RHEB: variants seen among roughly 807,000 people sequenced by gnomAD.
RHEB encodes the protein GTP-binding protein Rheb.
Under a neutral mutation model 28.8 loss-of-function variants are expected in RHEB, and 2 were observed. The ratio of observed to expected loss-of-function variants is 0.07; its 90% CI spans 0.03 to 0.22. The LOEUF (loss-of-function observed/expected upper bound fraction) is 0.22. RHEB is among the 10% of genes least tolerant of loss of function. The pLI is 1.00. For missense variants in RHEB, 76 were observed against 219.9 expected (o/e 0.35, Z 4.14); for synonymous variants, 69 against 77.3 (o/e 0.89, Z 0.56).
intron 3 of RHEB, among the ~76,000 whole-genome samples, chr7:151,483,278 G>A (rs1034934814): frequency 2.0e-5 from 3 of 152,144 alleles, no homozygotes; most frequent in African/African-American, 7.2e-5. Flanking sequence ...CAAAGCAGAG[G>A]GAATTCATTC....
In RHEB at chr7:151,468,769, C is replaced by T. The variant is rs1802110432; in HGVS notation, c.463-1558G>A. ...CGTCTGTCCTCCTAGTTAACTGAAGCCAACCCCAGGTCCCACCCCGCTTGT... is the reference window on the plus strand; with the variant it reads ...CGTCTGTCCTCCTAGTTAACTGAAGTCAACCCCAGGTCCCACCCCGCTTGT... On this transcript the variant is annotated intron_variant, in intron 7 of 7. Coordinates refer to ENST00000262187, the MANE Select transcript of RHEB (RefSeq NM_005614.4). This position sits in a 1 kb window ranked among gnomAD's most constrained non-coding sequence, Gnocchi z 4.3. Among the ~76,000 whole-genome samples, 1 of 152,228 alleles carries T rather than the reference C, an allele frequency of 6.6e-6. No individual in the cohort carries two copies. Among genetic ancestry groups the T allele is most frequent in the South Asian group, 2.1e-4 (1 of 4,834 alleles).
intron 1 of RHEB, among the ~76,000 whole-genome samples, chr7:151,491,736 CAA>C (rs11324430): frequency 1.2e-3 from 166 of 141,502 alleles, no homozygotes; most frequent in Non-Finnish European, 1.0e-3. Context: ...GACCCTGTGT[CAA>C]AAAAAAAAAA....
At chr7:151,498,095 T>C in intron 1 of RHEB, 1 of 1,288,228 alleles carries the variant, frequency 7.8e-7, no homozygotes, top group Non-Finnish European at 1.0e-6. Flanking sequence ...TCACCTAAAT[T>C]AAATGTGCCC....
chr7:151,499,049 C>A (rs763992699), intron 1 of RHEB, among the ~76,000 whole-genome samples: 12 of 152,178 alleles, frequency 7.9e-5, no homozygotes, highest in Non-Finnish European at 1.3e-4. Context: ...TATATAAATT[C>A]TAATGGGGAG....
chr7:151,502,790 T>G (rs1292595062), intron 1 of RHEB: 1 of 1,427,536 alleles, frequency 7.0e-7, no homozygotes. Context: ...TAGCAGAGAC[T>G]GCTGTGCAGC....
intron 1 of RHEB, among the ~76,000 whole-genome samples, chr7:151,501,201 G>A (rs2150934125): frequency 6.6e-6 from 1 of 152,250 alleles, no homozygotes; most frequent in African/African-American, 2.4e-5. Context: ...GCCACAGACT[G>A]GGAGAAAATA....
chr7:151,491,772 A>G (rs1367393013), intron 1 of RHEB, among the ~76,000 whole-genome samples: 4 of 152,142 alleles, frequency 2.6e-5, no homozygotes, highest in Admixed American at 6.5e-5. Flanking sequence ...AATATGTAAC[A>G]TAAGTCTTTA....
chr7:151,502,441 C>T (rs762596132), intron 1 of RHEB: 7 of 820,190 alleles, frequency 8.5e-6, no homozygotes, highest in Non-Finnish European at 1.5e-5. Flanking sequence ...AACTTTATAA[C>T]AAAGTACCTC....
rs2150932673 is a variant in RHEB at position 151,497,838 on chromosome 7, T to C, written c.53-6824A>G. Among the ~76,000 whole-genome samples the C allele has an allele frequency of 2.6e-5, 4 of 152,354 alleles. No homozygotes were observed. The South Asian group carries it at 8.3e-4, about 32-fold the overall frequency. On this transcript the variant is annotated intron_variant, in intron 1 of 7. Coordinates refer to ENST00000262187, the MANE Select transcript of RHEB (RefSeq NM_005614.4). Reference sequence around the variant, plus strand: ...CCTCCTGGTCTCCTCTGAACCTTCCTCCTCCTGAATTAGTTATAAACACAT... The same window carrying C: ...CCTCCTGGTCTCCTCTGAACCTTCCCCCTCCTGAATTAGTTATAAACACAT...
chr7:151,480,310 G>A (rs1030225933), intron 3 of RHEB, among the ~76,000 whole-genome samples: 4 of 152,050 alleles, frequency 2.6e-5, no homozygotes, highest in African/African-American at 4.8e-5. Context: ...TGGATATTAC[G>A]CAGCCTTGGG....
At chr7:151,497,256 T>C (rs1802690431) in intron 1 of RHEB, among the ~76,000 whole-genome samples, 1 of 152,116 alleles carries the variant, frequency 6.6e-6, no homozygotes, top group African/African-American at 2.4e-5. Context: ...CCTCCAACAG[T>C]AGTAATTCTT....
rs181773349 is a variant in RHEB, at chr7:151,506,503, C to G, written c.52+12957G>C. On this transcript the variant is annotated intron_variant, in intron 1 of 7. Transcript: ENST00000262187. ...TGTGAGGATTAAATGAAAATGTATA[C>G]CAAACATCTGGCATGTAGCAAGTGC... Among the ~76,000 whole-genome samples the G allele has an allele frequency of 6.9e-4, 105 of 152,168 alleles. 1 individual carries two copies. The highest frequency in any genetic ancestry group is 3.4e-3 in the Middle Eastern group (1 of 294).
At chr7:151,473,294 TAAG>T (rs1802197992) in intron 4 of RHEB, among the ~76,000 whole-genome samples, 1 of 152,306 alleles carries the variant, frequency 6.6e-6, no homozygotes, top group African/African-American at 2.4e-5. Context: ...AGCAAGGAAC[TAAG>T]AAGCTCAGTC....
intron 1 of RHEB, among the ~76,000 whole-genome samples, chr7:151,498,868 T>A (rs1197420025): frequency 6.6e-6 from 1 of 152,082 alleles, no homozygotes; most frequent in Non-Finnish European, 1.5e-5. Context: ...TTTTTACAGT[T>A]CCAAGCATGG....
chr7:151,467,112 A>C lies in RHEB; in HGVS notation c.*7T>G. 1 of 1,604,512 alleles carries C rather than the reference A, an allele frequency of 6.2e-7. No individual in the cohort carries two copies. Among genetic ancestry groups the C allele is most frequent in the South Asian group, 1.1e-5 (1 of 90,880 alleles). On this transcript the variant is annotated 3_prime_UTR_variant, in exon 8 of 8. Transcript: ENST00000262187. ...TATTCCCAGTGTCCTCAGGCTTTGC[A>C]GCAGAATCACATCACCGAGCATGAA...
At chr7:151,518,066 C>A (rs1397390116) in intron 1 of RHEB, 1 of 152,192 alleles carries the variant, frequency 6.6e-6, no homozygotes. Context: ...TTGAACCCCT[C>A]CATTTGATTC....
At chr7:151,480,771 G>A (rs983712191) in intron 3 of RHEB, among the ~76,000 whole-genome samples, 1 of 151,116 alleles carries the variant, frequency 6.6e-6, no homozygotes, top group Non-Finnish European at 1.5e-5. Flanking sequence ...TACAACCTCC[G>A]CCTCCTGGGT....
chr7:151,475,196 A>G (rs17713697), intron 4 of RHEB, among the ~76,000 whole-genome samples: 60,889 of 151,984 alleles, frequency 0.4, 14,322 homozygotes, highest in South Asian at 0.6. Flanking sequence ...GTATTTTTCA[A>G]TTTCCCCAGT....
At chr7:151,480,173 A>G (rs192946380) in intron 3 of RHEB, among the ~76,000 whole-genome samples, 49 of 152,250 alleles carry the variant, frequency 3.2e-4, no homozygotes, top group Admixed American at 2.2e-3. Context: ...AAGTTTTCCT[A>G]TGTGCATTAT....
Sources: gnomAD v4.1 joint callset for allele counts (sites outside exome capture counted in the v4.1 genomes callset) on GRCh38, gnomAD v4.1.1 for gene constraint, Gnocchi (gnomAD v3.1) non-coding constraint, MANE v1.5 for transcripts, NCBI Gene and HGNC (gene_info 2026-07-23, HGNC 2026-07-21) for gene names.